The following TRIM4 variants were observed in gnomAD, a reference collection of about 807,000 sequenced individuals.
The protein encoded by TRIM4 is E3 ubiquitin-protein ligase TRIM4.
A neutral mutation model predicts 33.7 loss-of-function variants in TRIM4; 29 were observed. That is an observed-to-expected ratio of 0.86 (90% CI 0.64 to 1.17). TRIM4 has a LOEUF of 1.17. TRIM4 is among the 50% of genes most tolerant of loss of function. TRIM4 has a pLI of 0.00. For synonymous variants in TRIM4, 224 were observed against 233.0 expected, an observed-to-expected ratio of 0.96 and a Z score of 0.35; for missense variants, 554 against 593.7, an observed-to-expected ratio of 0.93 and a Z score of 0.69.
chr7:99,907,840 C>A (rs1421063993), intron 3 of TRIM4, among the ~76,000 whole-genome samples: 1 of 152,084 alleles, frequency 6.6e-6, no homozygotes, highest in East Asian at 1.9e-4. Flanking sequence ...TTTTAGAGAT[C>A]TTTTCATCTT....
intron 1 of TRIM4, among the ~76,000 whole-genome samples, chr7:99,916,412 C>G (rs1374924166): frequency 1.3e-5 from 2 of 152,218 alleles, no homozygotes; most frequent in East Asian, 1.9e-4. Context: ...CACCCCACCT[C>G]CTGTCCCTCT....
intron 5 of TRIM4, among the ~76,000 whole-genome samples, chr7:99,893,159 G>C (rs985932215): frequency 2.0e-5 from 3 of 152,082 alleles, no homozygotes; most frequent in African/African-American, 7.2e-5. Flanking sequence ...CCCAGTTACT[G>C]GGGAGGCTGA....
chr7:99,916,762 G>A, intron 1 of TRIM4: 2 of 780,980 alleles, frequency 2.6e-6, no homozygotes, highest in Admixed American at 1.7e-5. Flanking sequence ...CATCCACGTG[G>A]ATGTCAAAGT....
intron 3 of TRIM4, among the ~76,000 whole-genome samples, chr7:99,906,773 C>A (rs1371475310): frequency 6.6e-6 from 1 of 152,078 alleles, no homozygotes; most frequent in Non-Finnish European, 1.5e-5. Context: ...TTGAGCCCAG[C>A]AGCTTGAGGG....
chr7:99,892,274 G>T lies in TRIM4; in HGVS notation c.1314C>A (p.Asp438Glu). Residue 438 changes from aspartate (D) to glutamate (E), a missense_variant, in exon 6 of 6, where the codon GAC (aspartate) becomes GAA (glutamate). Asp to Glu is a conservative substitution (Grantham distance 45, BLOSUM62 2). Coordinates refer to ENST00000349062, the MANE Select transcript of TRIM4 (RefSeq NM_033091.3). ...AAGAAAAGGTGTGCAGGTGCACTCC[G>T]TCCACAGCGCTGTAGAAGGAGACAT... The part of the protein sequence containing the change: ...TGNVSFYSAV[D>E]GVHLHTFSCS... 1 of 1,614,176 alleles carries T rather than the reference G, an allele frequency of 6.2e-7. No homozygotes were observed. Among genetic ancestry groups the T allele is most frequent in the East Asian group, 2.2e-5 (1 of 44,874 alleles).
intron 3 of TRIM4, among the ~76,000 whole-genome samples, chr7:99,905,345 T>A (rs545602483): frequency 1.3e-5 from 2 of 152,254 alleles, no homozygotes. Flanking sequence ...GTATGTCCTA[T>A]GACCAGGAAT....
Position 99,892,108 on chromosome 7 carries a change from G to A in TRIM4, c.*55C>T, listed in dbSNP as rs1313446978. 9 of 1,442,236 alleles carry A rather than the reference G, an allele frequency of 6.2e-6. No individual in the cohort carries two copies. In the South Asian group the frequency reaches 1.2e-4, roughly 19 times the overall value. The allele number at this position is 1,442,236 out of a possible 1,614,324, so 89.3% of individuals were successfully genotyped here. On this transcript the variant is annotated 3_prime_UTR_variant, in exon 6 of 6. Coordinates refer to ENST00000349062, the MANE Select transcript of TRIM4 (RefSeq NM_033091.3). ...GAAGGGCAGAAGAGGGCCCAGGGAT[G>A]TGTGTCCCTCAGCTGGACTACAGGG... is the stretch of plus-strand genomic sequence containing the variant.
rs1818894356 is a variant in TRIM4 at position 99,891,595 on chromosome 7, A to C, written c.*568T>G. ...CAGTAGTTACTGGAAAGAATAGGCA[A>C]TGCCTGACTGGATAGAAAAAGATTC... On this transcript the variant is annotated 3_prime_UTR_variant, in exon 6 of 6. Coordinates refer to ENST00000349062, the MANE Select transcript of TRIM4 (RefSeq NM_033091.3). 1 of 152,444 alleles carries C rather than the reference A, an allele frequency of 6.6e-6. No homozygotes were observed. The highest frequency in any genetic ancestry group is 6.5e-5 in the Admixed American group (1 of 15,312). 9.4% of individuals were successfully genotyped at this position (152,444 alleles called of 1,614,324 possible). A position where few individuals can be genotyped will look rare whatever the true frequency, so the allele number is the denominator to read the frequency against.
At chr7:99,913,749 A>G (rs2571998) in intron 1 of TRIM4, among the ~76,000 whole-genome samples, 97,091 of 152,048 alleles carry the variant, frequency 0.64, 32,681 homozygotes, top group African/African-American at 0.85. Flanking sequence ...CCAGAAAATT[A>G]TACGTATATG....
At chr7:99,904,999 C>A (rs1819264420) in intron 3 of TRIM4, among the ~76,000 whole-genome samples, 1 of 151,424 alleles carries the variant, frequency 6.6e-6, no homozygotes, top group African/African-American at 2.4e-5. Flanking sequence ...CCACTGCACT[C>A]CAGCCTGGGT....
intron 1 of TRIM4, among the ~76,000 whole-genome samples, chr7:99,915,554 T>C (rs769766371): frequency 7.6e-4 from 115 of 152,270 alleles, no homozygotes; most frequent in Non-Finnish European, 1.4e-3. Flanking sequence ...ACACAGTCCA[T>C]CCATCTGAGT....
At chr7:99,899,850 G>A (rs778528058) in intron 5 of TRIM4, among the ~76,000 whole-genome samples, 1 of 152,144 alleles carries the variant, frequency 6.6e-6, no homozygotes, top group Non-Finnish European at 1.5e-5. Context: ...GAGTGCAGTG[G>A]TGCAATCACA....
Position 99,903,558 on chromosome 7 carries a change from G to C in TRIM4, c.743+18C>G, listed in dbSNP as rs368717124. 3 of 1,614,072 alleles carry C rather than the reference G, an allele frequency of 1.9e-6. No homozygotes were observed. In the African/African-American group the frequency reaches 4.0e-5, roughly 22 times the overall value. The stretch of plus-strand genomic sequence containing the variant: ...TACCATGCCACCCAGGTCCCCATAA[G>C]AGAACAGGAGTGCATACCTGGTCAA... On this transcript the variant is annotated intron_variant, in intron 4 of 5. Transcript: ENST00000349062.
intron 5 of TRIM4, among the ~76,000 whole-genome samples, chr7:99,899,883 T>G (rs1819117134): frequency 6.6e-6 from 1 of 152,146 alleles, no homozygotes; most frequent in Admixed American, 6.5e-5. Flanking sequence ...CTCAACCTCC[T>G]GGGCTTAAGC....
chr7:99,910,259 C>T lies in TRIM4; in HGVS notation c.394-599G>A, dbSNP rs1421899527. Among the ~76,000 whole-genome samples the T allele has an allele frequency of 5.9e-5, 9 of 152,092 alleles. No homozygotes were observed. The East Asian group carries it at 1.5e-3, about 26-fold the overall frequency. Reference sequence around the variant, plus strand: ...CTCTGGCACCACAGGAGATTAAAAACGTGCCTTTTTTTGATGGACAACTGG... The same window carrying T: ...CTCTGGCACCACAGGAGATTAAAAATGTGCCTTTTTTTGATGGACAACTGG... On this transcript the variant is annotated intron_variant, in intron 1 of 5. Coordinates refer to ENST00000349062, the MANE Select transcript of TRIM4 (RefSeq NM_033091.3).
rs1383812705 is a variant in TRIM4 at position 99,919,039 on chromosome 7, T to G, written c.363A>C (p.Ala121=). The G allele has an allele frequency of 1.9e-6, 3 of 1,585,146 alleles. No individual in the cohort carries two copies. In the African/African-American group the frequency reaches 4.1e-5, roughly 22 times the overall value. The part of the protein sequence containing the change: ...ESQEHQTHAM[A]PIDEAFESYR... ...AGCTCTCGAAGGCCTCGTCGATGGG[T>G]GCCATGGCGTGAGTCTGGTGCTCCT... Residue 121 remains alanine, a synonymous_variant, in exon 1 of 6, where the codon GCA becomes GCC. Transcript: ENST00000349062.
rs755676392 is a variant in TRIM4 at position 99,919,397 on chromosome 7, TC to T, written c.4del (p.Glu2LysfsTer9). The T allele has an allele frequency of 2.6e-6, 4 of 1,549,928 alleles. No homozygotes were observed. The African/African-American group carries it at 5.7e-5, about 22-fold the overall frequency. ...CAACTCCTCCTGGATGTCCTCAGCT[TC>T]CATGCTGCTTCCCTGCCGCGGAGAC... is the stretch of plus-strand genomic sequence containing the variant. The part of the protein sequence containing the change: M[E>X]AEDIQEELTC... On this transcript the variant is annotated frameshift_variant, in exon 1 of 6. Transcript: ENST00000349062. LOFTEE classifies it high-confidence loss of function.
In TRIM4 at chr7:99,892,446, C is replaced by A; in HGVS notation, c.1142G>T (p.Arg381Leu). 1 of 1,614,090 alleles carries A rather than the reference C, an allele frequency of 6.2e-7. No homozygotes were observed. The highest frequency in any genetic ancestry group is 1.3e-5 in the African/African-American group (1 of 75,014). The change falls in exon 6 of 6, where the codon CGT becomes CTT. Residue 381 changes from arginine (R) to leucine (L), a missense_variant. Coordinates refer to ENST00000349062, the MANE Select transcript of TRIM4 (RefSeq NM_033091.3). ...CREDVMGITD[R>L]SKMSPDVGIW... ...GCCCACATCTGGGGACATTTTTGAACGATCAGTAATTCCCATGACGTCCTC... is the reference window on the plus strand; with the variant it reads ...GCCCACATCTGGGGACATTTTTGAAAGATCAGTAATTCCCATGACGTCCTC...
chr7:99,908,794 G>A lies in TRIM4; in HGVS notation c.508C>T (p.Arg170Ter), dbSNP rs139121700. Residue 170 changes from arginine (R) to a stop codon, truncating the protein, a stop_gained, in exon 3 of 6, where the codon CGA becomes TGA. Coordinates refer to ENST00000349062, the MANE Select transcript of TRIM4 (RefSeq NM_033091.3). LOFTEE classifies it high-confidence loss of function. ...TQWKDKIKSQ[R>*]MRISTEFSKL... ...GAAAACTCCGTGCTGATTCTCATTC[G>A]CTGACTCTTTATCTTATCCTAAGGC... 3.0e-5 allele frequency: 48 copies of A among 1,613,734 alleles called. No homozygotes were observed. The highest frequency in any genetic ancestry group is 6.7e-5 in the African/African-American group (5 of 74,846).
Sources: allele counts gnomAD v4.1 joint callset (sites outside exome capture counted in the v4.1 genomes callset), GRCh38; gene constraint gnomAD v4.1.1; transcripts MANE v1.5; gene names NCBI Gene and HGNC (gene_info 2026-07-23, HGNC 2026-07-21).